The following LGR4 variants were observed in gnomAD, a reference collection of about 807,000 sequenced individuals.
The protein encoded by LGR4 is leucine rich repeat containing G protein-coupled receptor 4, also known as leucine-rich repeat-containing G protein-coupled receptor 4.
A neutral mutation model predicts 84.8 loss-of-function variants in LGR4; 44 were observed. That is an observed-to-expected ratio of 0.52 (90% CI 0.41 to 0.67). LGR4 has a LOEUF of 0.67. Among genes scored for constraint, LGR4 ranks in the 30% least tolerant of loss-of-function variants. The probability of loss-of-function intolerance (pLI) is 0.00; values close to 1 mark genes in which losing one functional copy is unlikely to be tolerated. For synonymous variants in LGR4, 429 were observed against 434.3 expected (o/e 0.99, Z 0.15); for missense variants, 1,032 against 1,131.4 (o/e 0.91, Z 1.26).
rs1212329366 is a variant in LGR4 at position 27,472,590 on chromosome 11, C to T, written c.-288G>A. On this transcript the variant is annotated 5_prime_UTR_variant, in exon 1 of 18. Coordinates refer to ENST00000379214, the MANE Select transcript of LGR4 (RefSeq NM_018490.5). ...CCGGCGCAGCGGCGGGGGCCGCGCT[C>T]TGCCATCGCACCGGTCTCCCTGTCC... is the stretch of plus-strand genomic sequence containing the variant. 1.1e-5 allele frequency: 4 copies of T among 375,152 alleles called. No individual in the cohort carries two copies. Among genetic ancestry groups the T allele is most frequent in the Non-Finnish European group, 1.9e-5 (4 of 210,706 alleles). 23.2% of individuals were successfully genotyped at this position (375,152 alleles called of 1,614,324 possible). A position where few individuals can be genotyped will look rare whatever the true frequency, so the allele number is the denominator to read the frequency against.
chr11:27,367,906 C>T lies in LGR4; in HGVS notation c.2817G>A (p.Leu939=). Residue 939 remains leucine, a synonymous_variant, in exon 18 of 18, where the codon TTG becomes TTA. Coordinates refer to ENST00000379214, the MANE Select transcript of LGR4 (RefSeq NM_018490.5). Reference sequence around the variant, plus strand: ...TTGGTAGATTGTAAGCATAGCGCACCAAAGGGAATCCTCTACTCTGGTAGA... The same window carrying T: ...TTGGTAGATTGTAAGCATAGCGCACTAAAGGGAATCCTCTACTCTGGTAGA... ...ACFYQSRGFP[L]VRYAYNLPRV... is the part of the protein sequence containing the mutation. 1 of 1,605,616 alleles carries T rather than the reference C, an allele frequency of 6.2e-7. No individual in the cohort carries two copies. The highest frequency in any genetic ancestry group is 2.2e-5 in the East Asian group (1 of 44,838).
At chr11:27,383,493 A>G (rs1475475099) in intron 6 of LGR4, among the ~76,000 whole-genome samples, 4 of 152,354 alleles carry the variant, frequency 2.6e-5, no homozygotes, top group African/African-American at 9.6e-5. Context: ...CAAGATTTTC[A>G]ACTTTCATAT....
intron 1 of LGR4, among the ~76,000 whole-genome samples, chr11:27,450,506 A>G (rs1458244380): frequency 6.6e-6 from 1 of 152,198 alleles, no homozygotes; most frequent in Non-Finnish European, 1.5e-5. Flanking sequence ...TTGTGCTCTC[A>G]GGCCAGGCAC....
intron 2 of LGR4, among the ~76,000 whole-genome samples, chr11:27,408,228 G>A (rs899326542): frequency 1.6e-4 from 25 of 152,050 alleles, no homozygotes; most frequent in South Asian, 2.1e-4. Flanking sequence ...TACTAGCCCC[G>A]TTTGGTAAAG....
chr11:27,436,367 A>G (rs1478098245), intron 1 of LGR4, among the ~76,000 whole-genome samples: 1 of 146,016 alleles, frequency 6.8e-6, no homozygotes, highest in African/African-American at 2.6e-5. Context: ...GAAAGAAAGA[A>G]AGAAAGAGAG....
chr11:27,434,031 A>T (rs1184579571), intron 1 of LGR4, among the ~76,000 whole-genome samples: 2 of 152,192 alleles, frequency 1.3e-5, no homozygotes, highest in Non-Finnish European at 2.9e-5. Context: ...CCCCTACCTC[A>T]GGGCTGGGAA....
chr11:27,395,679 T>C (rs11029994), intron 2 of LGR4, among the ~76,000 whole-genome samples: 70,768 of 152,046 alleles, frequency 0.47, 18,295 homozygotes, highest in African/African-American at 0.69. Context: ...AAGAGGACAC[T>C]CTACTTTGAT....
intron 1 of LGR4, among the ~76,000 whole-genome samples, chr11:27,456,600 T>C (rs1001006582): frequency 6.6e-6 from 1 of 152,160 alleles, no homozygotes; most frequent in African/African-American, 2.4e-5. Context: ...AAAGTGAGTC[T>C]GCTAACAGAT....
At chr11:27,399,564 G>C (rs1460446345) in intron 2 of LGR4, among the ~76,000 whole-genome samples, 1 of 150,838 alleles carries the variant, frequency 6.6e-6, no homozygotes, top group Non-Finnish European at 1.5e-5. Flanking sequence ...CTGTCTCCCA[G>C]GCTGGAGTGC....
intron 1 of LGR4, among the ~76,000 whole-genome samples, chr11:27,444,336 T>C (rs1864352612): frequency 6.6e-6 from 1 of 152,176 alleles, no homozygotes; most frequent in South Asian, 2.1e-4. Flanking sequence ...TGTTAAACCA[T>C]TTCTCCAGGA....
At chr11:27,386,783 A>C (rs1371733142) in intron 4 of LGR4, among the ~76,000 whole-genome samples, 1 of 152,232 alleles carries the variant, frequency 6.6e-6, no homozygotes, top group Non-Finnish European at 1.5e-5. Context: ...AATAGAGTCA[A>C]GATAACTGAA....
intron 2 of LGR4, among the ~76,000 whole-genome samples, chr11:27,401,015 G>T (rs1471839727): frequency 6.6e-6 from 1 of 151,988 alleles, no homozygotes. Flanking sequence ...GAAGACTTTT[G>T]CATCTTCATA....
In LGR4 at chr11:27,421,852, T is replaced by C. The variant is rs182674652; in HGVS notation, c.186-8992A>G. Among the ~76,000 whole-genome samples the C allele has an allele frequency of 3.9e-5, 6 of 152,346 alleles. No individual in the cohort carries two copies. In the East Asian group the frequency reaches 1.2e-3, roughly 29 times the overall value. On this transcript the variant is annotated intron_variant, in intron 1 of 17. Coordinates refer to ENST00000379214, the MANE Select transcript of LGR4 (RefSeq NM_018490.5). ...AAGAGAAAAATATAAAATGCTCTAA[T>C]TCTGGAGTAATGTCTATTAAATGGC...
At chr11:27,456,699 C>A (rs542438644) in intron 1 of LGR4, among the ~76,000 whole-genome samples, 1 of 151,904 alleles carries the variant, frequency 6.6e-6, no homozygotes, top group South Asian at 2.1e-4. Context: ...CAGACACACA[C>A]AAAAAAACAC....
rs1161461448 is a variant in LGR4 at position 27,378,678 on chromosome 11, G to A, written c.1043+19C>T. 1.3e-6 allele frequency: 2 copies of A among 1,528,116 alleles called. No homozygotes were observed. Among genetic ancestry groups the A allele is most frequent in the East Asian group, 2.3e-5 (1 of 44,372 alleles). The allele number at this position is 1,528,116 out of a possible 1,614,324, so 94.7% of individuals were successfully genotyped here. ...ATAAACAAAAGGTATGAGGGGAAGG[G>A]AAGAAGAATCCAACTTACAAAGTCC... On this transcript the variant is annotated intron_variant, in intron 11 of 17. Coordinates refer to ENST00000379214, the MANE Select transcript of LGR4 (RefSeq NM_018490.5).
chr11:27,400,943 A>G (rs917599866), intron 2 of LGR4, among the ~76,000 whole-genome samples: 4 of 152,242 alleles, frequency 2.6e-5, no homozygotes, highest in Non-Finnish European at 4.4e-5. Flanking sequence ...CATCTAAGAA[A>G]GCACATCAGA....
chr11:27,388,878 G>A (rs1863232819), intron 4 of LGR4, among the ~76,000 whole-genome samples: 1 of 151,996 alleles, frequency 6.6e-6, no homozygotes, highest in Non-Finnish European at 1.5e-5. Context: ...TTCTAATGGA[G>A]ATAATTATGA....
chr11:27,456,675 T>C (rs1277525735), intron 1 of LGR4, among the ~76,000 whole-genome samples: 4 of 152,182 alleles, frequency 2.6e-5, no homozygotes, highest in Non-Finnish European at 5.9e-5. Context: ...AAAAAGCATA[T>C]GACTGATACT....
chr11:27,425,924 C>CT (rs1472510306), intron 1 of LGR4, among the ~76,000 whole-genome samples: 3 of 152,150 alleles, frequency 2.0e-5, no homozygotes, highest in Non-Finnish European at 4.4e-5. Flanking sequence ...CCCTATGCTC[C>CT]TCTGTTAGGG....
Sources: allele counts gnomAD v4.1 joint callset (sites outside exome capture counted in the v4.1 genomes callset), GRCh38; gene constraint gnomAD v4.1.1; transcripts MANE v1.5; gene names NCBI Gene and HGNC (gene_info 2026-07-23, HGNC 2026-07-21).